ARHGAP25: variants seen among roughly 807,000 people sequenced by gnomAD.
ARHGAP25 encodes Rho GTPase activating protein 25.
Under a neutral mutation model 71.0 loss-of-function variants are expected in ARHGAP25, and 34 were observed. That is an observed-to-expected ratio of 0.48 (90% confidence interval 0.36 to 0.64). ARHGAP25 has a LOEUF of 0.64. Ranked by LOEUF, ARHGAP25 falls within the 30% of genes least tolerant of loss-of-function variation. ARHGAP25 has a pLI of 0.00. For missense variants in ARHGAP25, 706 were observed against 805.1 expected, an observed-to-expected ratio of 0.88 and a Z score of 1.49; for synonymous variants, 282 against 296.5, an observed-to-expected ratio of 0.95 and a Z score of 0.50.
chr2:68,747,550 C>G (rs1030477723), intron 1 of ARHGAP25, among the ~76,000 whole-genome samples: 1 of 152,200 alleles, frequency 6.6e-6, no homozygotes, highest in African/African-American at 2.4e-5. Flanking sequence ...AAAGCCCTTT[C>G]CATGGCTTTA....
At chr2:68,731,362 C>G (rs561632846), upstream of ARHGAP25, among the ~76,000 whole-genome samples, 1 of 152,222 alleles carries the variant, frequency 6.6e-6, no homozygotes, top group East Asian at 1.9e-4. Flanking sequence ...CTGGGGCTAT[C>G]AATTCTGTCA....
rs183343652 is a variant in ARHGAP25, at chr2:68,765,883, A to G, written c.62-9338A>G. ...AAAATCACTGTTCCCTAAGACCTGTAGAGGCCCCAGAAACTGACTGGAGTG... is the reference window on the plus strand; with the variant it reads ...AAAATCACTGTTCCCTAAGACCTGTGGAGGCCCCAGAAACTGACTGGAGTG... On this transcript the variant is annotated intron_variant, in intron 1 of 10. Coordinates refer to ENST00000409202, the MANE Select transcript of ARHGAP25 (RefSeq NM_001007231.3). 5.3e-5 allele frequency among the ~76,000 whole-genome samples: 8 copies of G among 152,340 alleles called. No individual in the cohort carries two copies. In the East Asian group the frequency reaches 1.3e-3, roughly 26 times the overall value.
intron 2 of ARHGAP25, 101 bp downstream of exon 2, chr2:68,775,521 C>A: frequency 1.3e-6 from 2 of 1,535,600 alleles, no homozygotes; most frequent in Non-Finnish European, 1.8e-6. Flanking sequence ...CTCAATAGGA[C>A]CAGACACACC....
chr2:68,723,207 G>A (rs537849371), intron 2 of ARHGAP25, among the ~76,000 whole-genome samples: 55 of 152,326 alleles, frequency 3.6e-4, no homozygotes, highest in African/African-American at 1.3e-3. Context: ...CATGACAAAG[G>A]GAGTTATCCA....
Position 68,816,308 on chromosome 2 carries a change from A to C in ARHGAP25, c.827A>C (p.Lys276Thr). 6.2e-7 allele frequency: 1 copy of C among 1,613,894 alleles called. No homozygotes were observed. Among genetic ancestry groups the C allele is most frequent in the Non-Finnish European group, 8.5e-7 (1 of 1,179,808 alleles). Reference sequence around the variant, plus strand: ...TCCCAGGCTCAGCAGGAGTTGATGAAGCAGCTCTCCATCCTTCCTCGTGAC... The same window carrying C: ...TCCCAGGCTCAGCAGGAGTTGATGACGCAGCTCTCCATCCTTCCTCGTGAC... The part of the protein sequence containing the change: ...DEAKAQQELM[K>T]QLSILPRDNY... The change falls in exon 7 of 11, where the codon AAG becomes ACG. Residue 276 changes from lysine to threonine, a missense_variant. Physicochemically the swap from Lys to Thr is moderately conservative, Grantham distance 78. Transcript: ENST00000409202.
chr2:68,808,333 T>C (rs1482856007), intron 5 of ARHGAP25, among the ~76,000 whole-genome samples: 1 of 152,222 alleles, frequency 6.6e-6, no homozygotes, highest in Non-Finnish European at 1.5e-5. Flanking sequence ...GCTAAGCTTA[T>C]TTTGGACAAT....
chr2:68,782,167 T>C, intron 2 of ARHGAP25, 66 bp from the exon 3 acceptor site: 6 of 1,408,050 alleles, frequency 4.3e-6, no homozygotes, highest in Non-Finnish European at 6.0e-6. Flanking sequence ...CTATCTGTTG[T>C]CCAACCCAAT....
At chr2:68,762,442 T>G (rs1442126451) in intron 1 of ARHGAP25, among the ~76,000 whole-genome samples, 1 of 152,218 alleles carries the variant, frequency 6.6e-6, no homozygotes, top group Admixed American at 6.5e-5. Flanking sequence ...AGTTATAATT[T>G]GAGAAAAATA....
intron 7 of ARHGAP25, chr2:68,816,598 AGAGTCCTG>A: frequency 2.0e-6 from 1 of 512,432 alleles, no homozygotes; most frequent in Non-Finnish European, 3.5e-6. Flanking sequence ...AGCACTGCCC[AGAGTCCTG>A]GTACATGCAA....
intron 1 of ARHGAP25, among the ~76,000 whole-genome samples, chr2:68,743,939 G>A (rs1009794108): frequency 6.6e-6 from 1 of 152,156 alleles, no homozygotes; most frequent in South Asian, 2.1e-4. Context: ...AATTTCCTGA[G>A]AAGCCACACA....
chr2:68,746,749 G>A (rs369595739), intron 1 of ARHGAP25, among the ~76,000 whole-genome samples: 1 of 151,658 alleles, frequency 6.6e-6, no homozygotes, highest in African/African-American at 2.4e-5. Flanking sequence ...GCTCACGCTT[G>A]TAATCCCAGT....
At chr2:68,741,053 A>G (rs1474565174) in intron 1 of ARHGAP25, among the ~76,000 whole-genome samples, 2 of 152,254 alleles carry the variant, frequency 1.3e-5, no homozygotes. Context: ...CGTATGACAT[A>G]TATTAGGTGC....
intron 4 of ARHGAP25, among the ~76,000 whole-genome samples, chr2:68,799,966 C>G (rs1197189772): frequency 6.6e-6 from 1 of 152,196 alleles, no homozygotes; most frequent in Non-Finnish European, 1.5e-5. Context: ...GCGGTGGGAA[C>G]TGGGCTGTGG....
At chr2:68,711,134 G>A (rs115412441) in intron 2 of ARHGAP25, among the ~76,000 whole-genome samples, 58 of 152,236 alleles carry the variant, frequency 3.8e-4, no homozygotes, top group Non-Finnish European at 4.1e-4. Context: ...TGAATTTGCC[G>A]AGGAAATCCA....
At chr2:68,762,320 G>T (rs952115703) in intron 1 of ARHGAP25, among the ~76,000 whole-genome samples, 1 of 152,062 alleles carries the variant, frequency 6.6e-6, no homozygotes, top group Non-Finnish European at 1.5e-5. Context: ...TGATGGTTGT[G>T]CAATAATGTG....
chr2:68,801,953 T>C (rs528736270), intron 4 of ARHGAP25, among the ~76,000 whole-genome samples: 1 of 152,316 alleles, frequency 6.6e-6, no homozygotes, highest in East Asian at 1.9e-4. Context: ...TCTCTAACTA[T>C]CAAAGAGCCT....
At chr2:68,807,126 G>GA (rs1243472519) in intron 4 of ARHGAP25, 147 bp from the exon 5 acceptor site, 19 of 736,932 alleles carry the variant, frequency 2.6e-5, no homozygotes, top group South Asian at 2.3e-4. Flanking sequence ...ATAGCTTCAG[G>GA]AAATATTCTG....
intron 1 of ARHGAP25, among the ~76,000 whole-genome samples, chr2:68,735,730 A>T (rs1432691910): frequency 6.6e-6 from 1 of 152,210 alleles, no homozygotes; most frequent in African/African-American, 2.4e-5. Flanking sequence ...TAGACAACAA[A>T]AACAAGACAG....
intron 6 of ARHGAP25, among the ~76,000 whole-genome samples, chr2:68,814,500 A>T (rs1650928773): frequency 6.6e-6 from 1 of 152,216 alleles, no homozygotes; most frequent in Non-Finnish European, 1.5e-5. Context: ...TCATAGTAAT[A>T]TCAGCCATGC....
Sources: allele counts gnomAD v4.1 joint callset (sites outside exome capture counted in the v4.1 genomes callset), GRCh38; gene constraint gnomAD v4.1.1; transcripts MANE v1.5; gene names NCBI Gene and HGNC (gene_info 2026-07-23, HGNC 2026-07-21).